Variants in IL19 observed in about 807,000 individuals in gnomAD.
IL19 encodes interleukin 19.
In IL19, 15 loss-of-function variants were observed where a neutral mutation model predicts 19.5. The ratio of observed to expected loss-of-function variants is 0.77; its 90% CI spans 0.52 to 1.19. IL19 has a LOEUF of 1.19. Among genes scored for constraint, IL19 ranks in the 50% most tolerant of loss-of-function variants. IL19 has a pLI of 0.00. For synonymous variants in IL19, 78 were observed against 78.3 expected, an observed-to-expected ratio of 1.00 and a Z score of 0.02; for missense variants, 199 against 213.1, an observed-to-expected ratio of 0.93 and a Z score of 0.41.
chr1:206,799,055 G>A (rs758536849), intron 2 of IL19, 49 bp downstream of exon 2: 1 of 1,226,012 alleles, frequency 8.2e-7, no homozygotes, highest in Non-Finnish European at 1.2e-6. Context: ...CATTCTCTGG[G>A]ACCAGAGATA....
chr1:206,792,794 G>A (rs1280568140), intron 1 of IL19, among the ~76,000 whole-genome samples: 2 of 152,000 alleles, frequency 1.3e-5, no homozygotes, highest in African/African-American at 4.8e-5. Context: ...TATAGGTGAG[G>A]AATCTGAGTT....
intron 2 of IL19, among the ~76,000 whole-genome samples, chr1:206,823,792 G>T (rs1192136434): frequency 2.0e-5 from 3 of 152,170 alleles, no homozygotes; most frequent in Non-Finnish European, 4.4e-5. Flanking sequence ...GATAAGAATG[G>T]GTAAGAAATG....
At chr1:206,824,470 A>G (rs1041889046) in intron 2 of IL19, among the ~76,000 whole-genome samples, 2 of 152,232 alleles carry the variant, frequency 1.3e-5, no homozygotes, top group Non-Finnish European at 2.9e-5. Flanking sequence ...AGTTAAGTTT[A>G]TGTTTCTTGC....
At chr1:206,783,786 C>T (rs1204393602) in intron 1 of IL19, among the ~76,000 whole-genome samples, 1 of 152,190 alleles carries the variant, frequency 6.6e-6, no homozygotes. Context: ...CCCAGCTCTG[C>T]CCTTTCCCAT....
chr1:206,832,366 G>A (rs966540121), intron 2 of IL19, among the ~76,000 whole-genome samples: 1 of 152,190 alleles, frequency 6.6e-6, no homozygotes, highest in Non-Finnish European at 1.5e-5. Flanking sequence ...CTTTTCCAGT[G>A]TCTATAGACC....
chr1:206,775,028 G>A (rs1055174408), intron 1 of IL19, among the ~76,000 whole-genome samples: 2 of 151,658 alleles, frequency 1.3e-5, no homozygotes, highest in Non-Finnish European at 2.9e-5. Context: ...AAATAGGGTT[G>A]AGGTTAGGAT....
rs544146842 is a variant in IL19 at position 206,840,109 on chromosome 1, G to A, written c.363+107G>A. ...CCTGATATGGTGCTTGGAGTCAAAG[G>A]AAATTCTCTGCGCACGTCCACAGGG... On this transcript the variant is annotated intron_variant, in intron 5 of 6. Coordinates refer to ENST00000659997, the MANE Select transcript of IL19 (RefSeq NM_153758.5). 17 of 1,245,404 alleles carry A rather than the reference G, an allele frequency of 1.4e-5. No homozygotes were observed. In the African/African-American group the frequency reaches 2.1e-4, roughly 15 times the overall value. The allele number at this position is 1,245,404 out of a possible 1,614,324, so 77.1% of individuals were successfully genotyped here. A position where few individuals can be genotyped will look rare whatever the true frequency, so the allele number is the denominator to read the frequency against.
At chr1:206,839,730 A>T in intron 4 of IL19, 120 bp from the exon 5 acceptor site, 1 of 858,254 alleles carries the variant, frequency 1.2e-6, no homozygotes, top group Non-Finnish European at 1.9e-6. Context: ...ACCATTACGA[A>T]TTTTTCCAAA....
intron 1 of IL19, among the ~76,000 whole-genome samples, chr1:206,775,273 C>T (rs1040247338): frequency 6.6e-6 from 1 of 151,970 alleles, no homozygotes; most frequent in Non-Finnish European, 1.5e-5. Context: ...AGGATGGTCT[C>T]GATCTCCTGA....
At chr1:206,841,814 C>A (rs750256711) in intron 6 of IL19, among the ~76,000 whole-genome samples, 3 of 152,186 alleles carry the variant, frequency 2.0e-5, no homozygotes, top group African/African-American at 7.2e-5. Flanking sequence ...AACACACATT[C>A]GTCCTTCCCA....
intron 1 of IL19, among the ~76,000 whole-genome samples, chr1:206,791,483 A>G (rs545164636): frequency 1.4e-4 from 22 of 152,062 alleles, no homozygotes; most frequent in African/African-American, 5.3e-4. Flanking sequence ...TTGTATTTTT[A>G]GTAGAGATGG....
At chr1:206,776,652 C>A (rs535820405) in intron 1 of IL19, among the ~76,000 whole-genome samples, 1 of 151,962 alleles carries the variant, frequency 6.6e-6, no homozygotes, top group Admixed American at 6.6e-5. Flanking sequence ...GGAAGGTGAC[C>A]GCATATACCT....
At chr1:206,804,020 CTT>C (rs1227945741) in intron 2 of IL19, among the ~76,000 whole-genome samples, 1 of 152,210 alleles carries the variant, frequency 6.6e-6, no homozygotes, top group Non-Finnish European at 1.5e-5. Context: ...TCCTTTCTCT[CTT>C]CGCCCTGTCT....
intron 2 of IL19, chr1:206,834,494 GT>G: frequency 1.1e-6 from 1 of 947,296 alleles, no homozygotes; most frequent in Non-Finnish European, 1.3e-6. Context: ...TGTTACCATT[GT>G]GTATGGCTAT....
chr1:206,834,246 C>T, intron 2 of IL19: 1 of 985,408 alleles, frequency 1.0e-6, no homozygotes, highest in Non-Finnish European at 1.2e-6. Flanking sequence ...ACTAAGAAAA[C>T]AAGGGGAAAA....
intron 1 of IL19, among the ~76,000 whole-genome samples, chr1:206,782,906 T>C (rs918117711): frequency 6.6e-6 from 1 of 152,204 alleles, no homozygotes; most frequent in African/African-American, 2.4e-5. Context: ...CCCTGCTTAG[T>C]CTTTGGTAAC....
At chr1:206,820,818 C>G (rs548700800) in intron 2 of IL19, among the ~76,000 whole-genome samples, 1 of 152,212 alleles carries the variant, frequency 6.6e-6, no homozygotes. Flanking sequence ...CTCCCCACCC[C>G]GCTTTCAAAC....
At chr1:206,815,226 G>A (rs1269849401) in intron 2 of IL19, among the ~76,000 whole-genome samples, 2 of 152,184 alleles carry the variant, frequency 1.3e-5, no homozygotes, top group Non-Finnish European at 2.9e-5. Context: ...GCCTGAGAGA[G>A]AAAATGAGAA....
intron 1 of IL19, among the ~76,000 whole-genome samples, chr1:206,788,526 C>CTTT (rs34357557): frequency 8.2e-4 from 123 of 149,762 alleles, no homozygotes; most frequent in African/African-American, 2.6e-3. Flanking sequence ...TAATAATTAA[C>CTTT]TTTTTTTTTT....
Sources: gnomAD v4.1 joint callset for allele counts (sites outside exome capture counted in the v4.1 genomes callset) on GRCh38, gnomAD v4.1.1 for gene constraint, MANE v1.5 for transcripts, NCBI Gene and HGNC (gene_info 2026-07-23, HGNC 2026-07-21) for gene names.